CD109: variants seen among roughly 807,000 people sequenced by gnomAD.
The protein encoded by CD109 is CD109 molecule.
A neutral mutation model predicts 165.8 loss-of-function variants in CD109; 149 were observed. The ratio of observed to expected loss-of-function variants is 0.90; its 90% CI spans 0.79 to 1.03. The LOEUF (loss-of-function observed/expected upper bound fraction) is 1.03. CD109 is among the 50% of genes least tolerant of loss of function. CD109 has a pLI of 0.00. For missense variants in CD109, 1,712 were observed against 1,677.8 expected (o/e 1.02, Z -0.36); for synonymous variants, 585 against 592.1 (o/e 0.99, Z 0.18).
chr6:73,684,259 A>ATTTTTTTTTTTTT, the CD109 span, among the ~76,000 whole-genome samples: 1 of 141,206 alleles, frequency 7.1e-6, no homozygotes. Flanking sequence ...TTGCTCTGTC[A>ATTTTTTTTTTTTT]CCCAGGCTGG....
chr6:73,787,222 T>G lies in CD109; in HGVS notation c.2338-12T>G. 6.4e-7 allele frequency: 1 copy of G among 1,557,738 alleles called. No homozygotes were observed. Among genetic ancestry groups the G allele is most frequent in the Non-Finnish European group, 8.8e-7 (1 of 1,132,134 alleles). ...TATTATACAAAAGCTTTGATTTATTTTTTTCTTTCAGGTTAAGGTAATCAT... is the reference window on the plus strand; with the variant it reads ...TATTATACAAAAGCTTTGATTTATTGTTTTCTTTCAGGTTAAGGTAATCAT... On this transcript the variant is annotated splice_polypyrimidine_tract_variant and intron_variant, in intron 20 of 32. Coordinates refer to ENST00000287097, the MANE Select transcript of CD109 (RefSeq NM_133493.5).
At chr6:73,739,987 G>T (rs1772707058) in intron 5 of CD109, among the ~76,000 whole-genome samples, 1 of 152,204 alleles carries the variant, frequency 6.6e-6, no homozygotes, top group South Asian at 2.1e-4. Flanking sequence ...TCCTGCCTCA[G>T]CCTCCTGAGT....
At chr6:73,770,459 C>T (rs560500788) in intron 14 of CD109, among the ~76,000 whole-genome samples, 1 of 152,232 alleles carries the variant, frequency 6.6e-6, no homozygotes, top group East Asian at 1.9e-4. Context: ...AAATTCCCAG[C>T]AGGGGCCAGG....
intron 14 of CD109, among the ~76,000 whole-genome samples, chr6:73,771,221 C>A (rs1582132864): frequency 6.6e-6 from 1 of 152,246 alleles, no homozygotes; most frequent in Non-Finnish European, 1.5e-5. Flanking sequence ...AGATTTATAC[C>A]ACTGTGAGAA....
chr6:73,717,611 C>CTTTTTTTT (rs779915655), intron 2 of CD109, among the ~76,000 whole-genome samples: 2 of 74,818 alleles, frequency 2.7e-5, no homozygotes, highest in African/African-American at 5.2e-5. Flanking sequence ...TCTACTGATT[C>CTTTTTTTT]TTTTTTTTTT....
the CD109 span, among the ~76,000 whole-genome samples, chr6:73,689,345 C>A: frequency 2.6e-5 from 4 of 152,116 alleles, no homozygotes; most frequent in Admixed American, 6.6e-5. Context: ...TGGGAAGGAA[C>A]CCTCAACCTA....
At chr6:73,813,114 CATT>C (rs1276030153) in intron 29 of CD109, among the ~76,000 whole-genome samples, 2 of 152,076 alleles carry the variant, frequency 1.3e-5, no homozygotes, top group Non-Finnish European at 2.9e-5. Context: ...GATTATTTTG[CATT>C]ATTCTCAGAA....
At chr6:73,710,515 G>A (rs1771488281) in intron 2 of CD109, among the ~76,000 whole-genome samples, 1 of 151,978 alleles carries the variant, frequency 6.6e-6, no homozygotes, top group African/African-American at 2.4e-5. Flanking sequence ...TGGCCATACT[G>A]CCCAATTTTT....
chr6:73,753,931 G>T (rs1353150275), intron 5 of CD109, among the ~76,000 whole-genome samples: 1 of 152,206 alleles, frequency 6.6e-6, no homozygotes, highest in Non-Finnish European at 1.5e-5. Flanking sequence ...TTCAACAAAC[G>T]TTGAAGGCAT....
At chr6:73,768,269 A>G (rs1177560933) in intron 14 of CD109, 38 bp downstream of exon 14, 2 of 1,244,810 alleles carry the variant, frequency 1.6e-6, no homozygotes, top group Non-Finnish European at 2.3e-6. Context: ...AGAAAACTTT[A>G]TATTAGTGAA....
Position 73,785,388 on chromosome 6 carries a change from A to AT in CD109, c.2255dup (p.Leu752PhefsTer11), listed in dbSNP as rs1194885678. 2 of 1,604,186 alleles carry AT rather than the reference A, an allele frequency of 1.2e-6. No homozygotes were observed. The highest frequency in any genetic ancestry group is 2.2e-5 in the East Asian group (1 of 44,642). On this transcript the variant is annotated frameshift_variant, in exon 20 of 33. Coordinates refer to ENST00000287097, the MANE Select transcript of CD109 (RefSeq NM_133493.5). LOFTEE classifies it high-confidence loss of function. The stretch of plus-strand genomic sequence containing the variant: ...GCTCCAAGCCTTCCAACCATTTTTC[A>AT]TTTTTTTGAATCTTCCCTACTCTGT...
In CD109 at chr6:73,781,279, G is replaced by T. The variant is rs7742662; in HGVS notation, c.1923G>T (p.Leu641Phe). 8,687 of 1,613,036 alleles carry T rather than the reference G, an allele frequency of 5.4e-3. 327 individuals carry two copies. In the African/African-American group the frequency reaches 0.092, roughly 17 times the overall value. Reference protein sequence around the residue: ...AVFQECGLWVLTDANLTKDYI... With the variant: ...AVFQECGLWVFTDANLTKDYI... The stretch of plus-strand genomic sequence containing the variant: ...TTTAGGAATGTGGACTCTGGGTATT[G>T]ACAGATGCAAACCTCACGAAGGATT... The change falls in exon 17 of 33, where the codon TTG (leucine) becomes TTT (phenylalanine). Residue 641 changes from leucine to phenylalanine, a missense_variant. By Grantham distance (22) the Leu-to-Phe change is conservative. Coordinates refer to ENST00000287097, the MANE Select transcript of CD109 (RefSeq NM_133493.5).
chr6:73,773,150 T>G (rs1288465895), intron 15 of CD109, among the ~76,000 whole-genome samples: 4 of 151,010 alleles, frequency 2.6e-5, no homozygotes, highest in Non-Finnish European at 5.9e-5. Context: ...CCATCTGATG[T>G]GCTGCGCACT....
chr6:73,728,331 A>G (rs1174679281), intron 3 of CD109, among the ~76,000 whole-genome samples: 1 of 152,054 alleles, frequency 6.6e-6, no homozygotes, highest in East Asian at 1.9e-4. Context: ...AAACAAAACA[A>G]AACACTTCTT....
At chr6:73,689,798 CACTT>C in the CD109 span, among the ~76,000 whole-genome samples, 2 of 152,196 alleles carry the variant, frequency 1.3e-5, no homozygotes, top group South Asian at 2.1e-4. Flanking sequence ...TAAGATACAC[CACTT>C]ACTTTAATAC....
In CD109 at chr6:73,805,276, T is replaced by C. The variant is rs191207237; in HGVS notation, c.2961-1568T>C. Among the ~76,000 whole-genome samples, 85 of 152,324 alleles carry C rather than the reference T, an allele frequency of 5.6e-4. 1 individual carries two copies. Among genetic ancestry groups the C allele is most frequent in the African/African-American group, 2.0e-3 (82 of 41,574 alleles). The stretch of plus-strand genomic sequence containing the variant: ...TAATCTGTAACCTTACCCCCAACCC[T>C]GAGCTCTCTGAAACATGTGCTGTGT... On this transcript the variant is annotated intron_variant, in intron 24 of 32. Transcript: ENST00000287097.
intron 24 of CD109, among the ~76,000 whole-genome samples, chr6:73,804,531 A>T (rs186162971): frequency 6.6e-6 from 1 of 151,908 alleles, no homozygotes; most frequent in Admixed American, 6.6e-5. Flanking sequence ...ACCCGCTCTT[A>T]GGTGGTGGTG....
intron 2 of CD109, among the ~76,000 whole-genome samples, chr6:73,707,790 T>C (rs2150152320): frequency 6.6e-6 from 1 of 152,062 alleles, no homozygotes; most frequent in South Asian, 2.1e-4. Flanking sequence ...AATGATTTCA[T>C]GTTCAATGTT....
At chr6:73,745,262 G>A (rs527334950) in intron 5 of CD109, among the ~76,000 whole-genome samples, 88 of 152,104 alleles carry the variant, frequency 5.8e-4, no homozygotes, top group African/African-American at 2.0e-3. Flanking sequence ...GCCACCATGG[G>A]CCTGGCTAAT....
Sources: allele counts gnomAD v4.1 joint callset (sites outside exome capture counted in the v4.1 genomes callset), GRCh38; gene constraint gnomAD v4.1.1; transcripts MANE v1.5; gene names NCBI Gene and HGNC (gene_info 2026-07-23, HGNC 2026-07-21).